Variants in RGS5 observed in about 807,000 individuals in gnomAD.
The protein encoded by RGS5 is regulator of G-protein signalling 5.
RGS5 carries 20 observed loss-of-function variants against 18.9 expected under a neutral mutation model. The observed-to-expected ratio is 1.06, with a 90% CI of 0.74 to 1.54. The LOEUF (loss-of-function observed/expected upper bound fraction) is 1.54. Among genes scored for constraint, RGS5 ranks in the 40% most tolerant of loss-of-function variants. The pLI is 0.00. For missense variants in RGS5, 201 were observed against 211.8 expected (o/e 0.95, Z 0.32); for synonymous variants, 57 against 76.2 (o/e 0.75, Z 1.31).
At chr1:163,165,230 C>T (rs535357347) in intron 2 of RGS5, among the ~76,000 whole-genome samples, 42 of 152,318 alleles carry the variant, frequency 2.8e-4, no homozygotes, top group Non-Finnish European at 1.8e-4. Flanking sequence ...CTGTTTTCCA[C>T]TAGCACAGGC....
intron 2 of RGS5, among the ~76,000 whole-genome samples, chr1:163,225,838 A>T (rs1647318896): frequency 6.6e-6 from 1 of 152,200 alleles, no homozygotes; most frequent in Non-Finnish European, 1.5e-5. Flanking sequence ...CAATGCCAAA[A>T]TTCCATCTTC....
chr1:163,287,996 A>G (rs1047454996), intron 2 of RGS5, among the ~76,000 whole-genome samples: 9 of 152,210 alleles, frequency 5.9e-5, no homozygotes, highest in Non-Finnish European at 1.2e-4. Context: ...CTGATTTTTA[A>G]TATTTCTAAT....
chr1:163,179,342 C>G (rs917363373), intron 1 of RGS5, among the ~76,000 whole-genome samples: 1 of 152,138 alleles, frequency 6.6e-6, no homozygotes, highest in African/African-American at 2.4e-5. Flanking sequence ...ATTTCATAAG[C>G]CTCTTGTGAT....
At chr1:163,226,722 C>T (rs1387262416) in intron 2 of RGS5, among the ~76,000 whole-genome samples, 1 of 152,110 alleles carries the variant, frequency 6.6e-6, no homozygotes, top group Non-Finnish European at 1.5e-5. Context: ...AGCATGATTA[C>T]AAATAGGGCT....
intron 2 of RGS5, among the ~76,000 whole-genome samples, chr1:163,227,414 A>G (rs1647363186): frequency 6.6e-6 from 1 of 152,200 alleles, no homozygotes; most frequent in African/African-American, 2.4e-5. Context: ...AGATGCTTAT[A>G]CAACCATCAG....
At chr1:163,242,286 T>G (rs1190824882) in intron 2 of RGS5, among the ~76,000 whole-genome samples, 1 of 152,204 alleles carries the variant, frequency 6.6e-6, no homozygotes, top group Non-Finnish European at 1.5e-5. Flanking sequence ...TTCTTTGCAC[T>G]GGTGGAATGA....
chr1:163,270,190 T>A (rs745863210), intron 2 of RGS5, among the ~76,000 whole-genome samples: 1 of 152,016 alleles, frequency 6.6e-6, no homozygotes, highest in South Asian at 2.1e-4. Context: ...GTTTGAATTC[T>A]TGACACAGTT....
chr1:163,172,600 T>G, intron 1 of RGS5: 6 of 1,549,888 alleles, frequency 3.9e-6, no homozygotes, highest in Non-Finnish European at 5.2e-6. Flanking sequence ...GCCCTGGAAA[T>G]GTAAGGGAGA....
At chr1:163,255,118 C>T (rs1005114523) in intron 2 of RGS5, among the ~76,000 whole-genome samples, 3 of 152,156 alleles carry the variant, frequency 2.0e-5, no homozygotes, top group Non-Finnish European at 2.9e-5. Flanking sequence ...TTAGGATTGA[C>T]TTGGCGATGT....
chr1:163,310,053 T>G (rs563116777), intron 1 of RGS5, among the ~76,000 whole-genome samples: 1 of 152,276 alleles, frequency 6.6e-6, no homozygotes, highest in African/African-American at 2.4e-5. Context: ...AATAGGGAGC[T>G]TAAAATATTC....
intron 2 of RGS5, among the ~76,000 whole-genome samples, chr1:163,239,941 A>T (rs1374383965): frequency 6.6e-6 from 1 of 152,220 alleles, no homozygotes; most frequent in Non-Finnish European, 1.5e-5. Context: ...TACTTTGTAC[A>T]ATGACTGTCT....
chr1:163,188,673 A>G (rs1052863487), intron 1 of RGS5, among the ~76,000 whole-genome samples: 1 of 152,144 alleles, frequency 6.6e-6, no homozygotes, highest in Non-Finnish European at 1.5e-5. Flanking sequence ...GAAAAAAGTT[A>G]CTGTGGCTGG....
chr1:163,234,082 T>C (rs1647556164), intron 2 of RGS5, among the ~76,000 whole-genome samples: 1 of 152,226 alleles, frequency 6.6e-6, no homozygotes, highest in Admixed American at 6.5e-5. Context: ...TGTTTCTGAT[T>C]CTTGACCTAC....
chr1:163,265,883 G>A (rs1648561638), intron 2 of RGS5, among the ~76,000 whole-genome samples: 1 of 151,912 alleles, frequency 6.6e-6, no homozygotes, highest in Non-Finnish European at 1.5e-5. Context: ...CCATTCCAAG[G>A]TTCTCCATCC....
chr1:163,193,330 T>C (rs1292804577), intron 1 of RGS5, among the ~76,000 whole-genome samples: 1 of 152,170 alleles, frequency 6.6e-6, no homozygotes, highest in Non-Finnish European at 1.5e-5. Context: ...AAGTATCTAC[T>C]GTCCAAAGTA....
At position 163,172,647 on chromosome 1, in the gene RGS5, T is replaced by A. The variant is rs1014663803; in HGVS notation, c.45-4279A>T. ...GTGCTTTGGAAAACACTTCTTTCTATGGCTTCAGTTTCTGGCTTGGTATAG... is the reference window on the plus strand; with the variant it reads ...GTGCTTTGGAAAACACTTCTTTCTAAGGCTTCAGTTTCTGGCTTGGTATAG... On this transcript the variant is annotated intron_variant, in intron 1 of 4. Transcript: ENST00000313961. 18 of 1,543,936 alleles carry A rather than the reference T, an allele frequency of 1.2e-5. No homozygotes were observed. The African/African-American group carries it at 2.1e-4, about 18-fold the overall frequency.
intron 2 of RGS5, among the ~76,000 whole-genome samples, chr1:163,251,718 A>G (rs1194744222): frequency 1.3e-5 from 2 of 152,144 alleles, no homozygotes; most frequent in African/African-American, 4.8e-5. Flanking sequence ...CCCTAGCTCT[A>G]TAATTTTGTC....
intron 2 of RGS5, among the ~76,000 whole-genome samples, chr1:163,228,859 G>A (rs1272250430): frequency 6.6e-6 from 1 of 152,170 alleles, no homozygotes; most frequent in Admixed American, 6.5e-5. Flanking sequence ...AGCATATCAA[G>A]AGCCACCTTT....
chr1:163,148,735 C>A (rs1485784566), intron 4 of RGS5, among the ~76,000 whole-genome samples: 1 of 152,162 alleles, frequency 6.6e-6, no homozygotes, highest in Non-Finnish European at 1.5e-5. Flanking sequence ...GTGAATGGTT[C>A]CTCTGGAGTT....
Sources: gnomAD v4.1 joint callset for allele counts (sites outside exome capture counted in the v4.1 genomes callset) on GRCh38, gnomAD v4.1.1 for gene constraint, MANE v1.5 for transcripts, NCBI Gene and HGNC (gene_info 2026-07-23, HGNC 2026-07-21) for gene names.